Variants in MTM1 observed in about 807,000 individuals in gnomAD.
The protein encoded by MTM1 is myotubularin 1, also known as myotubularin.
Under a neutral mutation model 52.1 loss-of-function variants are expected in MTM1, and 9 were observed. The observed-to-expected ratio is 0.17, with a 90% CI of 0.10 to 0.30. MTM1 has a LOEUF of 0.30. MTM1 is among the 10% of genes least tolerant of loss of function. The probability of loss-of-function intolerance (pLI) is 1.00; values close to 1 mark genes in which losing one functional copy is unlikely to be tolerated. For missense variants in MTM1, 277 were observed against 470.7 expected (o/e 0.59, Z 3.81); for synonymous variants, 136 against 163.8 (o/e 0.83, Z 1.29).
At chrX:150,568,497 T>A (rs1232922667), upstream of MTM1, 3 of 113,708 alleles carry the variant, frequency 2.6e-5, no homozygotes, top group African/African-American at 9.6e-5. Context: ...GCACTCTTCC[T>A]GCCCCCTGCC....
chrX:150,671,734 T>G lies in MTM1; in HGVS notation c.*139T>G. The G allele has an allele frequency of 7.5e-6, 5 of 664,108 alleles. No individual in the cohort carries two copies. The highest frequency in any genetic ancestry group is 1.1e-5 in the Non-Finnish European group (5 of 436,771). 54.7% of individuals were successfully genotyped at this position (664,108 alleles called of 1,213,427 possible). ...ACATAATCTTAAACTCTTGAATATG[T>G]GCCTTCTAGAATACATATTACAAGA... On this transcript the variant is annotated 3_prime_UTR_variant, in exon 15 of 15. Coordinates refer to ENST00000370396, the MANE Select transcript of MTM1 (RefSeq NM_000252.3).
intron 4 of MTM1, among the ~76,000 whole-genome samples, chrX:150,600,194 A>G (rs1258629725): frequency 9.0e-6 from 1 of 111,647 alleles, no homozygotes; most frequent in African/African-American, 3.3e-5. Flanking sequence ...CACATAGAAG[A>G]CATGCATTTC....
In MTM1 at chrX:150,651,325, A is replaced by G. The variant is rs782362825; in HGVS notation, c.1053+1424A>G. On this transcript the variant is annotated intron_variant, in intron 10 of 14. Coordinates refer to ENST00000370396, the MANE Select transcript of MTM1 (RefSeq NM_000252.3). ...ACTATGGCATGTCACATTGTACAGT[A>G]TACTAGTCACAACTAATGAGCCAAT... Among the ~76,000 whole-genome samples the G allele has an allele frequency of 2.2e-3, 241 of 111,598 alleles. 1 individual carries two copies. The highest frequency in any genetic ancestry group is 3.2e-3 in the Non-Finnish European group (169 of 53,134).
rs1603215183 is a variant in MTM1, at chrX:150,671,702, T to G, written c.*107T>G. The stretch of plus-strand genomic sequence containing the variant: ...AAAATATTTGCCTCCATGTAGAACT[T>G]GAACTAACATAATCTTAAACTCTTG... On this transcript the variant is annotated 3_prime_UTR_variant, in exon 15 of 15. Transcript: ENST00000370396. 1.2e-6 allele frequency: 1 copy of G among 868,519 alleles called. No individual in the cohort carries two copies. The highest frequency in any genetic ancestry group is 1.7e-6 in the Non-Finnish European group (1 of 606,040). 71.6% of individuals were successfully genotyped at this position (868,519 alleles called of 1,213,427 possible). A position where few individuals can be genotyped will look rare whatever the true frequency, so the allele number is the denominator to read the frequency against.
At chrX:150,625,474 T>C (rs1187360661) in intron 6 of MTM1, among the ~76,000 whole-genome samples, 1 of 111,991 alleles carries the variant, frequency 8.9e-6, no homozygotes, top group African/African-American at 3.3e-5. Flanking sequence ...GTATTCTTAT[T>C]AACAAACCAT....
intron 1 of MTM1, among the ~76,000 whole-genome samples, chrX:150,584,698 G>C (rs2038751003): frequency 9.0e-6 from 1 of 110,874 alleles, no homozygotes; most frequent in African/African-American, 3.3e-5. Flanking sequence ...ATCGTCCCTT[G>C]GTATTTGCGG....
At chrX:150,668,530 CAA>C (rs59513018) in intron 14 of MTM1, among the ~76,000 whole-genome samples, 168 of 75,969 alleles carry the variant, frequency 2.2e-3, no homozygotes, top group Middle Eastern at 6.5e-3. Flanking sequence ...TCCATCTCTA[CAA>C]AAAAAAAAAA....
At chrX:150,639,535 G>T (rs1329173252) in intron 7 of MTM1, among the ~76,000 whole-genome samples, 1 of 112,158 alleles carries the variant, frequency 8.9e-6, no homozygotes, top group African/African-American at 3.2e-5. Flanking sequence ...TGTCTTTACT[G>T]TTCTCTTATA....
intron 9 of MTM1, among the ~76,000 whole-genome samples, chrX:150,646,425 G>A (rs1167107804): frequency 1.8e-5 from 2 of 113,003 alleles, no homozygotes; most frequent in Non-Finnish European, 3.7e-5. Context: ...TTTGCTGTAA[G>A]CAGAATATGC....
At chrX:150,656,719 A>G (rs222406) in intron 10 of MTM1, among the ~76,000 whole-genome samples, 34,983 of 110,493 alleles carry the variant, frequency 0.32, 5,640 homozygotes, top group African/African-American at 0.63. Flanking sequence ...AATTTTTGCA[A>G]TCTACCCATC....
At chrX:150,603,005 G>A (rs1380041460) in intron 4 of MTM1, among the ~76,000 whole-genome samples, 2 of 111,968 alleles carry the variant, frequency 1.8e-5, no homozygotes, top group African/African-American at 3.3e-5. Flanking sequence ...GGAAGAAGAC[G>A]TACAAGGGAA....
chrX:150,582,995 C>T (rs1047060330), intron 1 of MTM1, among the ~76,000 whole-genome samples: 8 of 94,038 alleles, frequency 8.5e-5, no homozygotes, highest in Admixed American at 2.7e-4. Flanking sequence ...TCTCCAGATA[C>T]TTTGATTTAA....
In MTM1 at chrX:150,614,633, A is replaced by T; in HGVS notation, c.276A>T (p.Arg92Ser). The change falls in exon 5 of 15, where the codon AGA becomes AGT. Residue 92 changes from arginine to serine, a missense_variant. This residue lies in a region of MTM1 where 164 missense variants were observed against 283.3 expected (regional missense o/e 0.58). Transcript: ENST00000370396. Reference sequence around the variant, plus strand: ...ATGTTCCTCTGGGTGTGATCTCGAGAATTGAAAAAATGGGAGGCGCGACAA... The same window carrying T: ...ATGTTCCTCTGGGTGTGATCTCGAGTATTGAAAAAATGGGAGGCGCGACAA... ...ILDVPLGVIS[R>S]IEKMGGATSR... is the part of the protein sequence containing the mutation. The T allele has an allele frequency of 8.3e-7, 1 of 1,205,158 alleles. No individual in the cohort carries two copies. The highest frequency in any genetic ancestry group is 1.1e-6 in the Non-Finnish European group (1 of 890,352).
rs782374474 is a variant in MTM1 at position 150,586,932 on chromosome X, A to G, written c.-10-5673A>G. On this transcript the variant is annotated intron_variant, in intron 1 of 14. Transcript: ENST00000370396. Reference sequence around the variant, plus strand: ...CTGTCTCAAAAAAAAAAAAAAAAGCATAAAGCATCTCTGGTAGGAGGAAGG... The same window carrying G: ...CTGTCTCAAAAAAAAAAAAAAAAGCGTAAAGCATCTCTGGTAGGAGGAAGG... 2.9e-4 allele frequency among the ~76,000 whole-genome samples: 29 copies of G among 101,465 alleles called. No homozygotes were observed. The South Asian group carries it at 0.014, about 47-fold the overall frequency. The allele number at this position is 101,465 out of a possible 115,157, so 88.1% of individuals were successfully genotyped here.
chrX:150,618,224 C>G (rs1460949669), intron 5 of MTM1, among the ~76,000 whole-genome samples: 2 of 111,873 alleles, frequency 1.8e-5, no homozygotes, highest in Non-Finnish European at 3.8e-5. Context: ...ATATGACTTG[C>G]ATGAGGGCTT....
intron 4 of MTM1, among the ~76,000 whole-genome samples, chrX:150,600,477 A>T (rs1302018504): frequency 8.9e-6 from 1 of 112,089 alleles, no homozygotes; most frequent in Non-Finnish European, 1.9e-5. Flanking sequence ...ACAAAATGTA[A>T]CAATAGCCCC....
rs367954185 is a variant in MTM1 at position 150,617,537 on chromosome X, C to T, written c.343-1501C>T. Among the ~76,000 whole-genome samples, 9 of 112,215 alleles carry T rather than the reference C, an allele frequency of 8.0e-5. No individual in the cohort carries two copies. The East Asian group carries it at 2.2e-3, about 28-fold the overall frequency. On this transcript the variant is annotated intron_variant, in intron 5 of 14. Transcript: ENST00000370396. Reference sequence around the variant, plus strand: ...CATGCTTTTTAAAAAAGCATGGAATCGTGGAGCTGGCAAGGCCTAGTAGAT... The same window carrying T: ...CATGCTTTTTAAAAAAGCATGGAATTGTGGAGCTGGCAAGGCCTAGTAGAT...
intron 8 of MTM1, 108 bp from the exon 9 acceptor site, chrX:150,645,575 A>G (rs1557413949): frequency 6.8e-6 from 5 of 735,364 alleles, no homozygotes; most frequent in East Asian, 3.3e-5. Context: ...TTTTAGCACA[A>G]TCAGATTCAC....
intron 11 of MTM1, 26 bp from the exon 12 acceptor site, chrX:150,659,638 C>T: frequency 8.6e-7 from 1 of 1,162,295 alleles, no homozygotes; most frequent in Non-Finnish European, 1.2e-6. Context: ...TTAATTAAAA[C>T]AAATTATCTT....
Sources: gnomAD v4.1 joint callset for allele counts (sites outside exome capture counted in the v4.1 genomes callset) on GRCh38, gnomAD v4.1.1 for gene constraint, gnomAD v4.1.1 regional missense constraint, MANE v1.5 for transcripts, NCBI Gene and HGNC (gene_info 2026-07-23, HGNC 2026-07-21) for gene names.